ATG10: variants seen among roughly 807,000 people sequenced by gnomAD.
ATG10 encodes the protein autophagy related 10, also known as ubiquitin-like-conjugating enzyme ATG10.
A neutral mutation model predicts 32.1 loss-of-function variants in ATG10; 30 were observed. The observed-to-expected ratio is 0.94, with a 90% CI of 0.70 to 1.27. The LOEUF (loss-of-function observed/expected upper bound fraction) is 1.27. ATG10 is among the 50% of genes most tolerant of loss of function. The probability of loss-of-function intolerance (pLI) is 0.00; values close to 1 mark genes in which losing one functional copy is unlikely to be tolerated. For synonymous variants in ATG10, 87 were observed against 91.5 expected, an observed-to-expected ratio of 0.95 and a Z score of 0.28; for missense variants, 233 against 262.3, an observed-to-expected ratio of 0.89 and a Z score of 0.77.
At chr5:81,983,465 C>T (rs1476723428) in intron 1 of ATG10, among the ~76,000 whole-genome samples, 2 of 136,124 alleles carry the variant, frequency 1.5e-5, no homozygotes, top group East Asian at 2.3e-4. Context: ...GGGGGTCTGA[C>T]CCCCCCCACC....
intron 2 of ATG10, among the ~76,000 whole-genome samples, chr5:82,013,316 G>A (rs1414716900): frequency 1.3e-5 from 2 of 152,118 alleles, no homozygotes; most frequent in Non-Finnish European, 2.9e-5. Flanking sequence ...GAGAACATAC[G>A]ATGTTTGGTT....
At chr5:82,176,248 G>A (rs1387628510) in intron 4 of ATG10, among the ~76,000 whole-genome samples, 1 of 152,088 alleles carries the variant, frequency 6.6e-6, no homozygotes, top group Non-Finnish European at 1.5e-5. Context: ...CATTTGCAGT[G>A]CCTCTGCCCT....
intron 3 of ATG10, among the ~76,000 whole-genome samples, chr5:82,066,466 T>TA (rs1213905940): frequency 1.1e-4 from 17 of 152,266 alleles, no homozygotes; most frequent in African/African-American, 4.1e-4. Flanking sequence ...ATGAAAATGA[T>TA]AGAGTCATAA....
chr5:82,253,258 C>A, intron 6 of ATG10, 56 bp from the exon 7 acceptor site: 1 of 1,191,256 alleles, frequency 8.4e-7, no homozygotes, highest in Non-Finnish European at 1.3e-6. Context: ...TTCTACCATT[C>A]ATCCAAAAAC....
At chr5:82,069,888 C>T (rs925438360) in intron 3 of ATG10, among the ~76,000 whole-genome samples, 5 of 152,016 alleles carry the variant, frequency 3.3e-5, no homozygotes, top group Non-Finnish European at 5.9e-5. Flanking sequence ...TAAAGGTTTT[C>T]AAAAGGGAGA....
intron 5 of ATG10, among the ~76,000 whole-genome samples, chr5:82,218,001 A>T (rs922681126): frequency 6.6e-6 from 1 of 151,402 alleles, no homozygotes; most frequent in African/African-American, 2.4e-5. Context: ...ACAAAACCAA[A>T]CAAAAAAACA....
intron 2 of ATG10, among the ~76,000 whole-genome samples, chr5:82,032,025 GTA>G (rs1340561857): frequency 5.3e-5 from 8 of 152,238 alleles, no homozygotes; most frequent in Non-Finnish European, 1.0e-4. Flanking sequence ...TGGGACCAGA[GTA>G]TGTAGCCAAA....
At chr5:82,093,373 G>C (rs1039867441) in intron 3 of ATG10, among the ~76,000 whole-genome samples, 1 of 152,100 alleles carries the variant, frequency 6.6e-6, no homozygotes, top group African/African-American at 2.4e-5. Flanking sequence ...TTCTTCTGCA[G>C]TGTCTAATTT....
At chr5:82,249,714 A>G (rs1291285944) in intron 5 of ATG10, among the ~76,000 whole-genome samples, 1 of 152,244 alleles carries the variant, frequency 6.6e-6, no homozygotes, top group East Asian at 1.9e-4. Context: ...AAACAGTCTT[A>G]ACCATAGAGC....
chr5:82,112,376 G>A (rs1439268807), intron 3 of ATG10, among the ~76,000 whole-genome samples: 5 of 151,996 alleles, frequency 3.3e-5, no homozygotes, highest in African/African-American at 1.2e-4. Flanking sequence ...TATAGGTACT[G>A]TAATTGTGAT....
intron 3 of ATG10, chr5:82,078,758 C>T (rs1561287057): frequency 6.6e-6 from 1 of 151,948 alleles, no homozygotes; most frequent in African/African-American, 2.4e-5. Flanking sequence ...ATAAACAAAC[C>T]AAAAAAAGAA....
chr5:82,220,348 T>A (rs998622586), intron 5 of ATG10, among the ~76,000 whole-genome samples: 7 of 151,832 alleles, frequency 4.6e-5, no homozygotes, highest in African/African-American at 1.7e-4. Flanking sequence ...CTGCCAGCTC[T>A]GCCTCCCGGG....
intron 4 of ATG10, among the ~76,000 whole-genome samples, chr5:82,167,775 C>T (rs1743639823): frequency 6.6e-6 from 1 of 152,216 alleles, no homozygotes; most frequent in Non-Finnish European, 1.5e-5. Flanking sequence ...CATTCTGCTT[C>T]TGCCTCTCAT....
Position 82,253,346 on chromosome 5 carries a change from T to C in ATG10, c.584T>C (p.Ile195Thr), listed in dbSNP as rs1157898159. 5.6e-6 allele frequency: 9 copies of C among 1,613,170 alleles called. No homozygotes were observed. Among genetic ancestry groups the C allele is most frequent in the Non-Finnish European group, 7.6e-6 (9 of 1,179,204 alleles). ...AACTATATCACATCATGGCTGAGCATTGTAGGGCCAGTTGTTGGGCTGAAT... is the reference window on the plus strand; with the variant it reads ...AACTATATCACATCATGGCTGAGCACTGTAGGGCCAGTTGTTGGGCTGAAT... ...NVNYITSWLS[I>T]VGPVVGLNLP... Residue 195 changes from isoleucine to threonine, a missense_variant, in exon 7 of 8, where the codon ATT (isoleucine) becomes ACT (threonine). By Grantham distance (89) the Ile-to-Thr change is moderately conservative (BLOSUM62 -1). Transcript: ENST00000282185.
intron 3 of ATG10, among the ~76,000 whole-genome samples, chr5:82,101,413 C>T (rs747549222): frequency 1.2e-4 from 18 of 152,226 alleles, no homozygotes; most frequent in African/African-American, 2.9e-4. Flanking sequence ...CCTTTCTACT[C>T]ATCTTTTTTG....
intron 2 of ATG10, among the ~76,000 whole-genome samples, chr5:82,025,567 C>T (rs993600157): frequency 9.9e-5 from 15 of 152,254 alleles, no homozygotes; most frequent in African/African-American, 3.6e-4. Flanking sequence ...GGGATGAGAT[C>T]AGAGCTTCTT....
In ATG10 at chr5:82,108,484, T is replaced by C. The variant is rs565100820; in HGVS notation, c.216+49882T>C. On this transcript the variant is annotated intron_variant, in intron 3 of 7. Coordinates refer to ENST00000282185, the MANE Select transcript of ATG10 (RefSeq NM_031482.5). ...TGTGTATATATGTATGTATAACATGTGTATATATCTCATGTATATGTGTGT... is the reference window on the plus strand; with the variant it reads ...TGTGTATATATGTATGTATAACATGCGTATATATCTCATGTATATGTGTGT... 1.1e-3 allele frequency among the ~76,000 whole-genome samples: 174 copies of C among 152,056 alleles called. 2 individuals are homozygous for C. Among genetic ancestry groups the C allele is most frequent in the Admixed American group, 2.2e-3 (34 of 15,238 alleles).
At chr5:82,051,309 T>C (rs114030152) in intron 2 of ATG10, among the ~76,000 whole-genome samples, 3 of 152,276 alleles carry the variant, frequency 2.0e-5, no homozygotes, top group Non-Finnish European at 2.9e-5. Context: ...AAGGACAGGC[T>C]CAGCTTCCTT....
chr5:82,141,091 G>A (rs1355151496), intron 3 of ATG10, among the ~76,000 whole-genome samples: 20 of 130,546 alleles, frequency 1.5e-4, no homozygotes, highest in Non-Finnish European at 2.6e-4. Context: ...CACTGCGGAA[G>A]GCCGCAGGGT....
Sources: gnomAD v4.1 joint callset for allele counts (sites outside exome capture counted in the v4.1 genomes callset) on GRCh38, gnomAD v4.1.1 for gene constraint, MANE v1.5 for transcripts, NCBI Gene and HGNC (gene_info 2026-07-23, HGNC 2026-07-21) for gene names.